The following CRPPA variants were observed in gnomAD, a reference collection of about 807,000 sequenced individuals.
The protein encoded by CRPPA is CDP-L-ribitol pyrophosphorylase A.
Under a neutral mutation model 52.0 loss-of-function variants are expected in CRPPA, and 43 were observed. That is an observed-to-expected ratio of 0.83 (90% CI 0.65 to 1.07). The LOEUF is 1.07. Ranked by LOEUF, CRPPA falls within the 50% of genes least tolerant of loss-of-function variation. The pLI, the probability that CRPPA is intolerant of heterozygous loss-of-function variation, is 0.00. For missense variants in CRPPA, 629 were observed against 551.7 expected, an observed-to-expected ratio of 1.14 and a Z score of -1.40; for synonymous variants, 250 against 203.5, an observed-to-expected ratio of 1.23 and a Z score of -1.94.
chr7:16,369,687 A>G (rs1279602203), intron 3 of CRPPA, among the ~76,000 whole-genome samples: 2 of 152,162 alleles, frequency 1.3e-5, no homozygotes, highest in African/African-American at 2.4e-5. Flanking sequence ...TTTGCCCCCA[A>G]GATGGCAGAT....
At chr7:16,254,841 G>GAA (rs1783587182) in intron 8 of CRPPA, among the ~76,000 whole-genome samples, 4 of 147,758 alleles carry the variant, frequency 2.7e-5, no homozygotes, top group Non-Finnish European at 4.5e-5. Flanking sequence ...AAGAAAGAAA[G>GAA]AAAGAGAAAG....
At chr7:16,290,683 T>C (rs1369985451) in intron 5 of CRPPA, among the ~76,000 whole-genome samples, 1 of 151,934 alleles carries the variant, frequency 6.6e-6, no homozygotes, top group African/African-American at 2.4e-5. Flanking sequence ...TGCAAAACTA[T>C]GAAAATAACT....
At chr7:16,097,500 G>C (rs1464802673) in intron 9 of CRPPA, among the ~76,000 whole-genome samples, 1 of 151,990 alleles carries the variant, frequency 6.6e-6, no homozygotes, top group Non-Finnish European at 1.5e-5. Context: ...ACCATGTTTG[G>C]GTGAAAGATG....
intron 9 of CRPPA, among the ~76,000 whole-genome samples, chr7:16,205,665 T>C (rs2128394679): frequency 6.6e-6 from 1 of 152,238 alleles, no homozygotes; most frequent in Non-Finnish European, 1.5e-5. Context: ...CTCCATGGGC[T>C]AGAACTGGGA....
chr7:16,216,156 T>A lies in CRPPA; in HGVS notation c.1161A>T (p.Lys387Asn), dbSNP rs368477537. Reference sequence around the variant, plus strand: ...CTCTAATCTGCATTAGGTTTTCCATTTTCTGACTGGGAGGTACTAATTTAA... The same window carrying A: ...CTCTAATCTGCATTAGGTTTTCCATATTCTGACTGGGAGGTACTAATTTAA... ...LDFKLVPPSQ[K>N]MENLMQIREF... is the part of the protein sequence containing the mutation. Residue 387 changes from lysine to asparagine, a missense_variant, in exon 9 of 10, where the codon AAA becomes AAT. Transcript: ENST00000407010. 14 of 1,594,966 alleles carry A rather than the reference T, an allele frequency of 8.8e-6. No individual in the cohort carries two copies. Among genetic ancestry groups the A allele is most frequent in the South Asian group, 4.5e-5 (4 of 89,212 alleles).
intron 6 of CRPPA, chr7:16,268,820 T>C (rs551207147): frequency 8.1e-4 from 124 of 152,286 alleles, no homozygotes; most frequent in African/African-American, 2.8e-3. Context: ...CCCTCTGCAG[T>C]GCTCATTTCT....
chr7:16,274,464 T>G (rs553206297), intron 6 of CRPPA, among the ~76,000 whole-genome samples: 1 of 152,256 alleles, frequency 6.6e-6, no homozygotes, highest in African/African-American at 2.4e-5. Context: ...GCAGGAACGA[T>G]ATCTCCTTTC....
Position 16,258,922 on chromosome 7 carries a change from T to C in CRPPA, c.1024A>G (p.Asn342Asp). The change falls in exon 7 of 10, where the codon AAT becomes GAT. Residue 342 changes from asparagine (N) to aspartate (D), a missense_variant and splice_region_variant. Coordinates refer to ENST00000407010, the MANE Select transcript of CRPPA (RefSeq NM_001101426.4). ...LDQCYNFVCV[N>D]VTTSDFQETQ... ...TTCAATCATTTGAATTGACTTACAT[T>C]CACACAAACAAAATTGTAGCATTGA... 6.2e-7 allele frequency: 1 copy of C among 1,604,166 alleles called. No individual in the cohort carries two copies.
intron 6 of CRPPA, chr7:16,269,706 C>T (rs1297084351): frequency 2.0e-5 from 3 of 152,086 alleles, no homozygotes; most frequent in Non-Finnish European, 4.4e-5. Flanking sequence ...TCAGTGTTCC[C>T]AGAACCACCA....
intron 4 of CRPPA, among the ~76,000 whole-genome samples, chr7:16,301,726 T>C (rs1784791969): frequency 6.6e-6 from 1 of 152,192 alleles, no homozygotes; most frequent in South Asian, 2.1e-4. Context: ...ACTCAAGTAT[T>C]ATACTTAAAG....
chr7:16,339,747 C>T (rs1321248934), intron 3 of CRPPA, among the ~76,000 whole-genome samples: 1 of 152,152 alleles, frequency 6.6e-6, no homozygotes, highest in Middle Eastern at 3.2e-3. Context: ...GAAGTAAACT[C>T]ATTTTCACAG....
intron 9 of CRPPA, among the ~76,000 whole-genome samples, chr7:16,103,360 G>A (rs780101585): frequency 1.1e-4 from 16 of 152,016 alleles, no homozygotes; most frequent in Admixed American, 2.0e-4. Flanking sequence ...TATAGATGAC[G>A]GGTTGATGGG....
intron 8 of CRPPA, among the ~76,000 whole-genome samples, chr7:16,238,581 T>C (rs943309954): frequency 2.0e-5 from 3 of 151,806 alleles, no homozygotes; most frequent in African/African-American, 4.8e-5. Context: ...TCTGTAAAAA[T>C]TGGACATAAA....
At chr7:16,167,597 T>C (rs1356821471) in intron 9 of CRPPA, among the ~76,000 whole-genome samples, 1 of 152,200 alleles carries the variant, frequency 6.6e-6, no homozygotes, top group Non-Finnish European at 1.5e-5. Flanking sequence ...GAAATGGGCT[T>C]GTGAATATTC....
chr7:16,281,785 T>A (rs1038199537), intron 5 of CRPPA, among the ~76,000 whole-genome samples: 1 of 152,208 alleles, frequency 6.6e-6, no homozygotes, highest in African/African-American at 2.4e-5. Context: ...ATTATTCACA[T>A]TCTCTATTTT....
chr7:16,151,568 G>C (rs1264586616), intron 9 of CRPPA, among the ~76,000 whole-genome samples: 2 of 151,944 alleles, frequency 1.3e-5, no homozygotes, highest in African/African-American at 2.4e-5. Flanking sequence ...ATTCATTGTA[G>C]ATGGGTAGAA....
chr7:16,342,794 T>TAGATAGATAGATAG (rs1350825073), intron 3 of CRPPA, among the ~76,000 whole-genome samples: 2,265 of 62,752 alleles, frequency 0.036, 396 homozygotes, highest in Middle Eastern at 0.081. Context: ...TATATATATA[T>TAGATAGATAGATAG]ATATCTATAT....
At chr7:16,173,950 A>T in intron 9 of CRPPA, among the ~76,000 whole-genome samples, 1 of 152,298 alleles carries the variant, frequency 6.6e-6, no homozygotes, top group Non-Finnish European at 1.5e-5. Flanking sequence ...AAAAAACTGA[A>T]TTCTTACCTA....
chr7:16,129,211 T>C (rs1262151652), intron 9 of CRPPA, among the ~76,000 whole-genome samples: 8 of 152,242 alleles, frequency 5.3e-5, no homozygotes, highest in Admixed American at 4.6e-4. Context: ...TGTCCTCATG[T>C]ATGTTGCCTC....
Sources: allele counts gnomAD v4.1 joint callset (sites outside exome capture counted in the v4.1 genomes callset), GRCh38; gene constraint gnomAD v4.1.1; transcripts MANE v1.5; gene names NCBI Gene and HGNC (gene_info 2026-07-23, HGNC 2026-07-21).